RASGRP4: variants seen among roughly 807,000 people sequenced by gnomAD.
RASGRP4 encodes RAS guanyl releasing protein 4.
Under a neutral mutation model 84.4 loss-of-function variants are expected in RASGRP4, and 52 were observed. The observed-to-expected ratio is 0.62, with a 90% CI of 0.49 to 0.78. The LOEUF is 0.78. Among genes scored for constraint, RASGRP4 ranks in the 30% least tolerant of loss-of-function variants. The pLI is 0.00. For missense variants in RASGRP4, 760 were observed against 886.9 expected (o/e 0.86, Z 1.82); for synonymous variants, 356 against 359.1 (o/e 0.99, Z 0.10).
chr19:38,411,242 C>T lies in RASGRP4; in HGVS notation c.1725G>A (p.Gly575=). The T allele has an allele frequency of 1.2e-6, 2 of 1,613,978 alleles. No individual in the cohort carries two copies. The highest frequency in any genetic ancestry group is 1.7e-6 in the Non-Finnish European group (2 of 1,179,874). ...CTCTGCAGTGTTTGTGGCAACACAG[C>T]CCGCACTCTGGGGGAAGGCAGCGGC... ...TKQGYRCREC[G]LCCHKHCRDQ... The change falls in exon 15 of 17, where the codon GGG becomes GGA. Residue 575 remains glycine (G), a synonymous_variant. Transcript: ENST00000615439.
At chr19:38,414,445 G>A (rs961009092) in intron 9 of RASGRP4, among the ~76,000 whole-genome samples, 1 of 152,000 alleles carries the variant, frequency 6.6e-6, no homozygotes, top group Non-Finnish European at 1.5e-5. Context: ...TCCTGCCTCA[G>A]CCTCCCAAGT....
Position 38,409,143 on chromosome 19 carries a change from T to C in RASGRP4, c.*897A>G, listed in dbSNP as rs185123414. The C allele has an allele frequency of 3.8e-6, 1 of 260,144 alleles. No homozygotes were observed. The highest frequency in any genetic ancestry group is 2.4e-5 in the African/African-American group (1 of 42,154). 16.1% of individuals were successfully genotyped at this position (260,144 alleles called of 1,614,324 possible). ...GGGGTGTTGGGGTTTGTGAAGGGGT[T>C]GGGGGGGTCTCTGCTCCCTGGGACT... On this transcript the variant is annotated 3_prime_UTR_variant, in exon 17 of 17. Coordinates refer to ENST00000615439, the MANE Select transcript of RASGRP4 (RefSeq NM_170604.3).
Position 38,416,700 on chromosome 19 carries a change from G to A in RASGRP4, c.954+352C>T, listed in dbSNP as rs530285259. Among the ~76,000 whole-genome samples, 5 of 152,198 alleles carry A rather than the reference G, an allele frequency of 3.3e-5. No individual in the cohort carries two copies. The East Asian group carries it at 5.8e-4, about 18-fold the overall frequency. On this transcript the variant is annotated intron_variant, in intron 8 of 16. Transcript: ENST00000615439. Reference sequence around the variant, plus strand: ...CCTAGCTTAGCCCATCTTACAAGGCGCTATAGGATCTTCCCAGGGCATCTT... The same window carrying A: ...CCTAGCTTAGCCCATCTTACAAGGCACTATAGGATCTTCCCAGGGCATCTT...
chr19:38,425,369 A>G (rs993532435), intron 1 of RASGRP4, among the ~76,000 whole-genome samples: 2 of 152,172 alleles, frequency 1.3e-5, no homozygotes, highest in African/African-American at 2.4e-5. Context: ...TGACAGAAGA[A>G]AAACCCGAGA....
rs1337953177 is a variant in RASGRP4, at chr19:38,424,107, TTTC to T, written c.24-1957_24-1955del. On this transcript the variant is annotated intron_variant, in intron 1 of 16. Transcript: ENST00000615439. ...ATAGTCCTTGGACCTTCTCCAGGGA[TTTC>T]TTTTTTCTTTCTTTCTTTCTTTTTT... Among the ~76,000 whole-genome samples, 7 of 151,976 alleles carry T rather than the reference TTTC, an allele frequency of 4.6e-5. No individual in the cohort carries two copies. The East Asian group carries it at 1.2e-3, about 25-fold the overall frequency.
Position 38,420,899 on chromosome 19 carries a change from C to T in RASGRP4, c.377+9G>A, listed in dbSNP as rs1242422880. 5 of 1,586,916 alleles carry T rather than the reference C, an allele frequency of 3.2e-6. No individual in the cohort carries two copies. The highest frequency in any genetic ancestry group is 3.4e-6 in the Non-Finnish European group (4 of 1,167,048). ...GGTCCTGAGAGTGGGGATCTCGGCC[C>T]AGCCCTACCTGACCAGGTGACAGAT... On this transcript the variant is annotated intron_variant, in intron 4 of 16. Coordinates refer to ENST00000615439, the MANE Select transcript of RASGRP4 (RefSeq NM_170604.3).
Position 38,413,054 on chromosome 19 carries a change from A to C in RASGRP4, c.1417-5T>G, listed in dbSNP as rs1163123196. ...GTCATAATTCTTGAACACAGACTTC[A>C]GAGGAGTGTGGGGAAGCAGATAAGG... is the stretch of plus-strand genomic sequence containing the variant. On this transcript the variant is annotated splice_polypyrimidine_tract_variant and splice_region_variant and intron_variant, in intron 11 of 16. Coordinates refer to ENST00000615439, the MANE Select transcript of RASGRP4 (RefSeq NM_170604.3). This position sits in a 1 kb window ranked among gnomAD's most constrained non-coding sequence, Gnocchi z 4.7. 14 of 1,611,796 alleles carry C rather than the reference A, an allele frequency of 8.7e-6. No homozygotes were observed. The highest frequency in any genetic ancestry group is 6.6e-5 in the South Asian group (6 of 91,022).
intron 14 of RASGRP4, 23 bp downstream of exon 14, chr19:38,411,322 C>T: frequency 6.2e-7 from 1 of 1,608,656 alleles, no homozygotes; most frequent in South Asian, 1.1e-5. Flanking sequence ...GGCTTCCCTC[C>T]CACTCACTGA....
In RASGRP4 at chr19:38,412,903, G is replaced by C. The variant is rs964674793; in HGVS notation, c.1535+28C>G. The C allele has an allele frequency of 1.2e-6, 2 of 1,613,146 alleles. No individual in the cohort carries two copies. The highest frequency in any genetic ancestry group is 4.5e-5 in the East Asian group (2 of 44,874). Reference sequence around the variant, plus strand: ...AGGCAACCCCAGTGTCCTCATCTTCGGAGGATCCAGGAGTCACAACCACTT... The same window carrying C: ...AGGCAACCCCAGTGTCCTCATCTTCCGAGGATCCAGGAGTCACAACCACTT... On this transcript the variant is annotated intron_variant, in intron 12 of 16. Coordinates refer to ENST00000615439, the MANE Select transcript of RASGRP4 (RefSeq NM_170604.3). This position sits in a 1 kb window ranked among gnomAD's most constrained non-coding sequence, Gnocchi z 4.6.
chr19:38,422,164 A>C lies in RASGRP4; in HGVS notation c.24-11T>G, dbSNP rs778647070. 6.2e-7 allele frequency: 1 copy of C among 1,603,484 alleles called. No homozygotes were observed. The highest frequency in any genetic ancestry group is 8.5e-7 in the Non-Finnish European group (1 of 1,175,506). On this transcript the variant is annotated splice_polypyrimidine_tract_variant and intron_variant, in intron 1 of 16. Coordinates refer to ENST00000615439, the MANE Select transcript of RASGRP4 (RefSeq NM_170604.3). The stretch of plus-strand genomic sequence containing the variant: ...TCCTGGTGGGACTTCCTGTGGGCAC[A>C]GCCCCCAAGGAGTCATGGGAGCACC...
rs1971573418 is a variant in RASGRP4, at chr19:38,418,011, GGAGC to G, written c.837+376_837+379del. ...GGCGGGGAGAGCCCGGACGCAATGG[GGAGC>G]GATGCACAATCCCGAAGCGACCGCT... On this transcript the variant is annotated intron_variant, in intron 7 of 16. Transcript: ENST00000615439. This position sits in a 1 kb window ranked among gnomAD's most constrained non-coding sequence, Gnocchi z 4.6. Among the ~76,000 whole-genome samples, 1 of 151,350 alleles carries G rather than the reference GGAGC, an allele frequency of 6.6e-6. No homozygotes were observed. Among genetic ancestry groups the G allele is most frequent in the South Asian group, 2.1e-4 (1 of 4,786 alleles).
chr19:38,418,176 A>AGCTT lies in RASGRP4; in HGVS notation c.837+214_837+215insAAGC, dbSNP rs1971581953. Among the ~76,000 whole-genome samples the AGCTT allele has an allele frequency of 6.6e-6, 1 of 152,052 alleles. No individual in the cohort carries two copies. The highest frequency in any genetic ancestry group is 6.5e-5 in the Admixed American group (1 of 15,298). ...TGGGAGCCTGTCACGTCTAGGGCCAAGGGGTGGGGCCACGGTGGGTGCGAC... is the reference window on the plus strand; with the variant it reads ...TGGGAGCCTGTCACGTCTAGGGCCAAGCTTGGGGTGGGGCCACGGTGGGTGCGAC... On this transcript the variant is annotated intron_variant, in intron 7 of 16. Coordinates refer to ENST00000615439, the MANE Select transcript of RASGRP4 (RefSeq NM_170604.3). The surrounding 1 kb of genome is among the most constrained non-coding windows in gnomAD (Gnocchi z 4.6).
chr19:38,418,343 A>T lies in RASGRP4; in HGVS notation c.837+48T>A. 6.4e-7 allele frequency: 1 copy of T among 1,558,126 alleles called. No individual in the cohort carries two copies. Among genetic ancestry groups the T allele is most frequent in the African/African-American group, 1.4e-5 (1 of 73,822 alleles). ...TCGAGGGTCTGGAAGGGGAAGGACC[A>T]GGTGGCTGCGTGCAGTGGAGTTCGC... On this transcript the variant is annotated intron_variant, in intron 7 of 16. Coordinates refer to ENST00000615439, the MANE Select transcript of RASGRP4 (RefSeq NM_170604.3). The surrounding 1 kb of genome is among the most constrained non-coding windows in gnomAD (Gnocchi z 4.6).
chr19:38,413,964 T>C lies in RASGRP4; in HGVS notation c.1231-490A>G, dbSNP rs1427783802. ...CGTTTTTTGAGACAGAGTCTTGCTC[T>C]GTCACCCAGGCTGGAGTGTAGTGGT... On this transcript the variant is annotated intron_variant, in intron 9 of 16. Coordinates refer to ENST00000615439, the MANE Select transcript of RASGRP4 (RefSeq NM_170604.3). The surrounding 1 kb of genome is among the most constrained non-coding windows in gnomAD (Gnocchi z 4.7). Among the ~76,000 whole-genome samples the C allele has an allele frequency of 6.6e-6, 1 of 152,162 alleles. No homozygotes were observed. Among genetic ancestry groups the C allele is most frequent in the Non-Finnish European group, 1.5e-5 (1 of 68,028 alleles).
intron 2 of RASGRP4, 54 bp downstream of exon 2, chr19:38,421,915 G>A (rs1324425965): frequency 8.6e-6 from 13 of 1,506,784 alleles, no homozygotes; most frequent in East Asian, 2.4e-5. Context: ...GGAGAGAAGC[G>A]AGTGCTGAGC....
chr19:38,421,736 A>AGAAAG, intron 2 of RASGRP4, among the ~76,000 whole-genome samples: 1 of 149,872 alleles, frequency 6.7e-6, no homozygotes, highest in African/African-American at 2.4e-5. Flanking sequence ...AGAAAAGAAA[A>AGAAAG]AAGATTTATA....
Position 38,412,948 on chromosome 19 carries a change from G to A in RASGRP4, c.1518C>T (p.His506=). 3 of 1,613,988 alleles carry A rather than the reference G, an allele frequency of 1.9e-6. No homozygotes were observed. The highest frequency in any genetic ancestry group is 2.5e-6 in the Non-Finnish European group (3 of 1,179,838). ...GNFPFACHGL[H]PPPRQGRGSF... is the part of the protein sequence containing the mutation. ...CCACTTACCCCTGGCGTGGGGGTGG[G>A]TGAAGCCCATGGCAGGCGAAGGGAA... Residue 506 remains histidine, a synonymous_variant, in exon 12 of 17, where the codon CAC becomes CAT. Transcript: ENST00000615439. This position sits in a 1 kb window ranked among gnomAD's most constrained non-coding sequence, Gnocchi z 4.6.
At chr19:38,422,193 T>C (rs769355800) in intron 1 of RASGRP4, 40 bp from the exon 2 acceptor site, 9 of 1,551,804 alleles carry the variant, frequency 5.8e-6, no homozygotes, top group African/African-American at 1.4e-5. Flanking sequence ...GAGCACCTTC[T>C]TTCGGACAGA....
Position 38,420,147 on chromosome 19 carries a change from C to T in RASGRP4, c.493G>A (p.Gly165Arg), listed in dbSNP as rs41465445. The change falls in exon 5 of 17, where the codon GGA (glycine) becomes AGA (arginine). Residue 165 changes from glycine (G) to arginine (R), a missense_variant. Transcript: ENST00000615439. Reference sequence around the variant, plus strand: ...CTGACTCACAGGTCAGAAGAGTCTCCCAGTCTTCTCTGGGCTGAGTTGCCC... The same window carrying T: ...CTGACTCACAGGTCAGAAGAGTCTCTCAGTCTTCTCTGGGCTGAGTTGCCC... ...REGNSAQRRL[G>R]DSSDLLSPGG... 81,488 of 1,613,138 alleles carry T rather than the reference C, an allele frequency of 0.051. 2,379 individuals are homozygous for T. The highest frequency in any genetic ancestry group is 0.071 in the South Asian group (6,440 of 90,974).
Sources: gnomAD v4.1 joint callset for allele counts (sites outside exome capture counted in the v4.1 genomes callset) on GRCh38, gnomAD v4.1.1 for gene constraint, Gnocchi (gnomAD v3.1) non-coding constraint, MANE v1.5 for transcripts, NCBI Gene and HGNC (gene_info 2026-07-23, HGNC 2026-07-21) for gene names.